SUPT3H: variants seen among roughly 807,000 people sequenced by gnomAD.
SUPT3H encodes the protein SPT3 homolog, SAGA and STAGA complex component, also known as transcription initiation protein SPT3 homolog.
A neutral mutation model predicts 44.3 loss-of-function variants in SUPT3H; 44 were observed. The observed-to-expected ratio is 0.99, with a 90% CI of 0.78 to 1.28. SUPT3H has a LOEUF of 1.28. Among genes scored for constraint, SUPT3H ranks in the 50% most tolerant of loss-of-function variants. SUPT3H has a pLI of 0.00. For missense variants in SUPT3H, 380 were observed against 387.1 expected (o/e 0.98, Z 0.15); for synonymous variants, 124 against 125.6 (o/e 0.99, Z 0.09).
At chr6:44,932,891 C>T in intron 9 of SUPT3H, 128 bp from the exon 10 acceptor site, 1 of 475,376 alleles carries the variant, frequency 2.1e-6, no homozygotes, top group Non-Finnish European at 3.6e-6. Flanking sequence ...TCACTACTGC[C>T]ATATACTACA....
intron 10 of SUPT3H, among the ~76,000 whole-genome samples, chr6:44,877,132 T>C (rs1046855703): frequency 3.9e-5 from 6 of 152,206 alleles, no homozygotes; most frequent in Admixed American, 6.5e-5. Context: ...TCCCAAGCCA[T>C]TCAACATTTT....
chr6:45,166,286 T>G (rs1489892205), intron 2 of SUPT3H, among the ~76,000 whole-genome samples: 1 of 152,000 alleles, frequency 6.6e-6, no homozygotes, highest in Non-Finnish European at 1.5e-5. Context: ...AGTGAGACTC[T>G]GTCTCAAAAA....
chr6:45,073,830 A>G (rs1794684789), intron 3 of SUPT3H, among the ~76,000 whole-genome samples: 1 of 152,006 alleles, frequency 6.6e-6, no homozygotes, highest in Non-Finnish European at 1.5e-5. Flanking sequence ...AGGAGGAGGG[A>G]TACAGGATAG....
chr6:45,309,713 A>T (rs1359275905), intron 2 of SUPT3H, among the ~76,000 whole-genome samples: 1 of 152,222 alleles, frequency 6.6e-6, no homozygotes, highest in African/African-American at 2.4e-5. Flanking sequence ...AACTGTCAGA[A>T]ATCAAACATA....
chr6:44,870,612 A>AG (rs939863681), intron 10 of SUPT3H, among the ~76,000 whole-genome samples: 1 of 151,516 alleles, frequency 6.6e-6, no homozygotes, highest in Non-Finnish European at 1.5e-5. Flanking sequence ...AAAAAAAAAA[A>AG]AAAGAAAGAA....
At chr6:45,057,504 A>G (rs1791316660) in intron 3 of SUPT3H, among the ~76,000 whole-genome samples, 1 of 152,128 alleles carries the variant, frequency 6.6e-6, no homozygotes, top group African/African-American at 2.4e-5. Context: ...AAACAAAAAA[A>G]CAAAACAAAA....
chr6:45,102,491 T>G (rs2153569469), intron 3 of SUPT3H, among the ~76,000 whole-genome samples: 1 of 152,084 alleles, frequency 6.6e-6, no homozygotes, highest in African/African-American at 2.4e-5. Flanking sequence ...TCACAATAAT[T>G]TATTATATAA....
chr6:45,238,608 C>T (rs772007559), intron 2 of SUPT3H, among the ~76,000 whole-genome samples: 21 of 152,184 alleles, frequency 1.4e-4, no homozygotes, highest in Non-Finnish European at 2.6e-4. Flanking sequence ...ATTTTTCCGA[C>T]TCAGCATTCA....
chr6:45,176,678 T>G (rs1225079976), intron 2 of SUPT3H, among the ~76,000 whole-genome samples: 1 of 152,220 alleles, frequency 6.6e-6, no homozygotes, highest in African/African-American at 2.4e-5. Context: ...TGTCCCTGTC[T>G]GACAGCTTTG....
chr6:44,817,454 T>C (rs891702310), intron 11 of SUPT3H, among the ~76,000 whole-genome samples: 2 of 152,094 alleles, frequency 1.3e-5, no homozygotes, highest in African/African-American at 4.8e-5. Context: ...TCCTATTCAA[T>C]AGTGTACTGG....
At chr6:44,952,382 A>C (rs1774442930) in intron 9 of SUPT3H, among the ~76,000 whole-genome samples, 1 of 152,216 alleles carries the variant, frequency 6.6e-6, no homozygotes, top group South Asian at 2.1e-4. Context: ...TGACCTAAAG[A>C]AGATTACAAC....
chr6:45,217,470 G>A (rs1188023998), intron 2 of SUPT3H, among the ~76,000 whole-genome samples: 7 of 149,362 alleles, frequency 4.7e-5, no homozygotes, highest in African/African-American at 1.0e-4. Flanking sequence ...GCAAGATTCC[G>A]CCTCAAAAAT....
In SUPT3H at chr6:45,180,405, G is replaced by A. The variant is rs1266110131; in HGVS notation, c.102-74399C>T. Among the ~76,000 whole-genome samples, 7 of 150,074 alleles carry A rather than the reference G, an allele frequency of 4.7e-5. No homozygotes were observed. The South Asian group carries it at 6.4e-4, about 14-fold the overall frequency. On this transcript the variant is annotated intron_variant, in intron 2 of 10. Transcript: ENST00000371459. Reference sequence around the variant, plus strand: ...ATGGAACCAAAAAAGAGCCCACATCGCCAAGTCAATCCTAAGCCAAAAGAA... The same window carrying A: ...ATGGAACCAAAAAAGAGCCCACATCACCAAGTCAATCCTAAGCCAAAAGAA...
chr6:45,178,612 A>AT lies in SUPT3H; in HGVS notation c.102-72607dup, dbSNP rs1318087717. ...TCCACCCCAAATCAACAGAATATAC[A>AT]TTTTTTTCAGCACCACACCACACCT... On this transcript the variant is annotated intron_variant, in intron 2 of 10. Transcript: ENST00000371459. 2.0e-5 allele frequency among the ~76,000 whole-genome samples: 3 copies of AT among 152,076 alleles called. No individual in the cohort carries two copies. The South Asian group carries it at 6.2e-4, about 32-fold the overall frequency.
intron 2 of SUPT3H, among the ~76,000 whole-genome samples, chr6:45,214,157 A>C (rs1343949710): frequency 6.6e-6 from 1 of 152,102 alleles, no homozygotes; most frequent in Non-Finnish European, 1.5e-5. Context: ...ACCCAAGTAC[A>C]TAACAGCTCA....
At chr6:45,176,014 T>G (rs1811737092) in intron 2 of SUPT3H, among the ~76,000 whole-genome samples, 1 of 152,186 alleles carries the variant, frequency 6.6e-6, no homozygotes, top group Admixed American at 6.5e-5. Flanking sequence ...AATGACTCAA[T>G]CTGATTGCTC....
At position 44,942,984 on chromosome 6, in the gene SUPT3H, G is replaced by C. The variant is rs550918385; in HGVS notation, c.802-10221C>G. 5.3e-5 allele frequency among the ~76,000 whole-genome samples: 8 copies of C among 152,182 alleles called. No individual in the cohort carries two copies. In the South Asian group the frequency reaches 1.5e-3, roughly 28 times the overall value. On this transcript the variant is annotated intron_variant, in intron 9 of 10. Transcript: ENST00000371459. The stretch of plus-strand genomic sequence containing the variant: ...ATGCCTATGATGTATTACTCACAAT[G>C]TCCACTTTACAATTCAAAATTACCA...
intron 3 of SUPT3H, among the ~76,000 whole-genome samples, chr6:45,069,770 A>T (rs1453175885): frequency 6.6e-6 from 1 of 152,164 alleles, no homozygotes; most frequent in African/African-American, 2.4e-5. Context: ...TATTTTTAAA[A>T]GTAGTCACCG....
At chr6:44,904,323 T>A (rs1215826825) in intron 10 of SUPT3H, among the ~76,000 whole-genome samples, 1 of 152,202 alleles carries the variant, frequency 6.6e-6, no homozygotes, top group African/African-American at 2.4e-5. Flanking sequence ...CAGCAAAGTC[T>A]CAGGATACAA....
Sources: gnomAD v4.1 joint callset for allele counts (sites outside exome capture counted in the v4.1 genomes callset) on GRCh38, gnomAD v4.1.1 for gene constraint, MANE v1.5 for transcripts, NCBI Gene and HGNC (gene_info 2026-07-23, HGNC 2026-07-21) for gene names.